The following CMKLR2 variants were observed in gnomAD, a reference collection of about 807,000 sequenced individuals.
The protein encoded by CMKLR2 is chemerin-like receptor 2.
CMKLR2 carries 18 observed loss-of-function variants against 23.0 expected under a neutral mutation model. The ratio of observed to expected loss-of-function variants is 0.78; its 90% confidence interval spans 0.54 to 1.16. CMKLR2 has a LOEUF of 1.16. Ranked by LOEUF, CMKLR2 falls within the 50% of genes most tolerant of loss-of-function variation. The probability of loss-of-function intolerance (pLI) is 0.00; values close to 1 mark genes in which losing one functional copy is unlikely to be tolerated. For missense variants in CMKLR2, 401 were observed against 412.7 expected (o/e 0.97, Z 0.25); for synonymous variants, 158 against 158.9 (o/e 0.99, Z 0.05).
In CMKLR2 at chr2:206,176,301, C is replaced by T. The variant is rs1487749554; in HGVS notation, c.947G>A (p.Arg316Gln). The change falls in exon 2 of 2, where the codon CGG becomes CAG. Residue 316 changes from arginine (R) to glutamine (Q), a missense_variant. Arg to Gln is a conservative substitution (Grantham distance 43). Transcript: ENST00000621141. ...CTTGAGTATCTCAGCAACTGAGGAC[C>T]GGAAGCGAGCTTGGAACTTCTTACT... ...LISKKFQARF[R>Q]SSVAEILKYT... The T allele has an allele frequency of 1.1e-5, 18 of 1,614,110 alleles. No homozygotes were observed. The highest frequency in any genetic ancestry group is 8.9e-5 in the East Asian group (4 of 44,868).
chr2:206,184,864 G>T (rs1688531686), intron 1 of CMKLR2, among the ~76,000 whole-genome samples: 1 of 151,278 alleles, frequency 6.6e-6, no homozygotes, highest in South Asian at 2.1e-4. Context: ...TATTTACCAG[G>T]CAGGGATAGA....
intron 1 of CMKLR2, among the ~76,000 whole-genome samples, chr2:206,189,368 C>T (rs1172230026): frequency 6.6e-6 from 1 of 152,176 alleles, no homozygotes; most frequent in East Asian, 1.9e-4. Context: ...GGAGCGGTGG[C>T]TCACGCCTAT....
chr2:206,210,938 AT>A (rs1189427816), intron 1 of CMKLR2, among the ~76,000 whole-genome samples: 2 of 152,104 alleles, frequency 1.3e-5, no homozygotes, highest in East Asian at 3.9e-4. Flanking sequence ...TCTATATGCT[AT>A]TTTTTTCTAG....
intron 1 of CMKLR2, among the ~76,000 whole-genome samples, chr2:206,190,553 T>C (rs1688718584): frequency 6.6e-6 from 1 of 152,176 alleles, no homozygotes; most frequent in Non-Finnish European, 1.5e-5. Context: ...AGACATTGAT[T>C]TGAGAAATGA....
rs916908846 is a variant in CMKLR2 at position 206,176,204 on chromosome 2, C to G, written c.1044G>C (p.Leu348=). The G allele has an allele frequency of 2.5e-6, 4 of 1,611,864 alleles. No individual in the cohort carries two copies. Among genetic ancestry groups the G allele is most frequent in the Non-Finnish European group, 3.4e-6 (4 of 1,179,054 alleles). Residue 348 remains leucine, a synonymous_variant, in exon 2 of 2, where the codon CTG becomes CTC. Transcript: ENST00000621141. The part of the protein sequence containing the change: ...EQLRNSETKN[L]CLLETAQ ...CTTATTGAGCTGTTTCCAGGAGACA[C>G]AGATTCTTGGTTTCTGAGTTCCTGA...
chr2:206,185,150 C>A (rs1222692484), intron 1 of CMKLR2, among the ~76,000 whole-genome samples: 1 of 152,114 alleles, frequency 6.6e-6, no homozygotes, highest in Non-Finnish European at 1.5e-5. Flanking sequence ...CCACAGCCAG[C>A]TAATTTTCAT....
chr2:206,176,841 T>A lies in CMKLR2; in HGVS notation c.407A>T (p.Tyr136Phe). Residue 136 changes from tyrosine (Y) to phenylalanine (F), a missense_variant, in exon 2 of 2, where the codon TAT (tyrosine) becomes TTT (phenylalanine). Coordinates refer to ENST00000621141, the MANE Select transcript of CMKLR2 (RefSeq NM_001389445.1). ...FFLTVISLDHYIHLIHPVLSH... is the reference protein window; with the variant it reads ...FFLTVISLDHFIHLIHPVLSH... ...TAAGACAGGATGGATCAAGTGGATA[T>A]AGTGGTCCAGGCTGATCACTGTCAG... 1 of 1,614,140 alleles carries A rather than the reference T, an allele frequency of 6.2e-7. No individual in the cohort carries two copies. Among genetic ancestry groups the A allele is most frequent in the Non-Finnish European group, 8.5e-7 (1 of 1,180,022 alleles).
At chr2:206,208,955 GCCATTAGGC>G (rs1309795341) in intron 1 of CMKLR2, among the ~76,000 whole-genome samples, 1 of 152,176 alleles carries the variant, frequency 6.6e-6, no homozygotes, top group African/African-American at 2.4e-5. Flanking sequence ...ACAGGTGTGG[GCCATTAGGC>G]CCAGCCTTCT....
intron 1 of CMKLR2, among the ~76,000 whole-genome samples, chr2:206,203,012 C>T (rs1689157635): frequency 6.6e-6 from 1 of 151,860 alleles, no homozygotes; most frequent in Non-Finnish European, 1.5e-5. Flanking sequence ...AAACTTGAAC[C>T]TTGCTCCGTT....
chr2:206,191,406 T>C (rs539491776), intron 1 of CMKLR2, among the ~76,000 whole-genome samples: 3 of 151,838 alleles, frequency 2.0e-5, no homozygotes, highest in African/African-American at 4.8e-5. Context: ...AGAGAGAGAG[T>C]GGGACTTCTT....
intron 1 of CMKLR2, among the ~76,000 whole-genome samples, chr2:206,206,521 G>A (rs1441551984): frequency 1.3e-5 from 2 of 152,164 alleles, no homozygotes; most frequent in Non-Finnish European, 2.9e-5. Flanking sequence ...AAAGGTAAGC[G>A]GTACTTTTAG....
intron 1 of CMKLR2, chr2:206,203,769 G>C (rs892818232): frequency 6.6e-6 from 1 of 152,280 alleles, no homozygotes; most frequent in Non-Finnish European, 1.5e-5. Flanking sequence ...CTCCCAAGTA[G>C]CTGGGACTCC....
At position 206,176,398 on chromosome 2, in the gene CMKLR2, C is replaced by A; in HGVS notation, c.850G>T (p.Ala284Ser). The change falls in exon 2 of 2, where the codon GCT becomes TCT. Residue 284 changes from alanine (A) to serine (S), a missense_variant. By Grantham distance (99) the Ala-to-Ser change is moderately conservative. Transcript: ENST00000621141. ...AAACCAGTGGAGAGGGGGATTCCAGCCTGCATCACATGGTGGGAATAGCTA... is the reference window on the plus strand; with the variant it reads ...AAACCAGTGGAGAGGGGGATTCCAGACTGCATCACATGGTGGGAATAGCTA... ...HNSYSHHVMQ[A>S]GIPLSTGLAF... The A allele has an allele frequency of 6.2e-7, 1 of 1,614,132 alleles. No individual in the cohort carries two copies.
intron 1 of CMKLR2, among the ~76,000 whole-genome samples, chr2:206,182,674 T>G (rs935568795): frequency 1.3e-5 from 2 of 151,902 alleles, no homozygotes; most frequent in Non-Finnish European, 2.9e-5. Context: ...CAGGCTGGAG[T>G]GCAGTGGCGT....
At chr2:206,203,319 G>A (rs1264698063) in intron 1 of CMKLR2, 1 of 124,552 alleles carries the variant, frequency 8.0e-6, no homozygotes, top group Non-Finnish European at 1.6e-5. Flanking sequence ...AAAAGCGCGA[G>A]ACTCTGTCTC....
intron 1 of CMKLR2, among the ~76,000 whole-genome samples, chr2:206,203,159 T>TAAAAAAA (rs1689163347): frequency 3.5e-5 from 2 of 57,790 alleles, no homozygotes; most frequent in African/African-American, 1.4e-4. Context: ...CTTCTAAAAC[T>TAAAAAAA]ACAAAAAAAA....
At chr2:206,202,845 A>C (rs1417193535) in intron 1 of CMKLR2, among the ~76,000 whole-genome samples, 1 of 151,938 alleles carries the variant, frequency 6.6e-6, no homozygotes, top group Non-Finnish European at 1.5e-5. Flanking sequence ...CCAGCCCCTC[A>C]AAGCCTGTCA....
chr2:206,180,734 C>CATTATTATTATTATTATTATTATTATT (rs58356678), intron 1 of CMKLR2, among the ~76,000 whole-genome samples: 1 of 130,562 alleles, frequency 7.7e-6, no homozygotes, highest in Non-Finnish European at 1.6e-5. Context: ...GTGCCCAGCC[C>CATTATTATTATTATTATTATTATTATT]ATTATTATTA....
At chr2:206,186,764 G>A (rs557020897) in intron 1 of CMKLR2, among the ~76,000 whole-genome samples, 4 of 151,308 alleles carry the variant, frequency 2.6e-5, no homozygotes, top group Admixed American at 1.3e-4. Flanking sequence ...GGTTAAAGAG[G>A]TGCTGCTGGT....
Sources: gnomAD v4.1 joint callset for allele counts (sites outside exome capture counted in the v4.1 genomes callset) on GRCh38, gnomAD v4.1.1 for gene constraint, MANE v1.5 for transcripts, NCBI Gene and HGNC (gene_info 2026-07-23, HGNC 2026-07-21) for gene names.